The following NBPF11 variants were observed in gnomAD, a reference collection of about 807,000 sequenced individuals.
NBPF11 encodes the protein NBPF member 11, also known as NBPF family member NBPF11.
In NBPF11, 72 loss-of-function variants were observed where a neutral mutation model predicts 93.9. The observed-to-expected ratio is 0.77, with a 90% confidence interval of 0.63 to 0.93. NBPF11 has a LOEUF of 0.93. Ranked by LOEUF, NBPF11 falls within the 40% of genes least tolerant of loss-of-function variation. The pLI, the probability that NBPF11 is intolerant of heterozygous loss-of-function variation, is 0.00. For missense variants in NBPF11, 705 were observed against 802.2 expected (o/e 0.88, Z 1.46); for synonymous variants, 224 against 304.9 (o/e 0.73, Z 2.76).
chr1:148,114,871 C>T lies in NBPF11; in HGVS notation c.1586-383G>A, dbSNP rs1451358975. 5.3e-5 allele frequency among the ~76,000 whole-genome samples: 8 copies of T among 151,566 alleles called. No individual in the cohort carries two copies. The South Asian group carries it at 6.2e-4, about 12-fold the overall frequency. On this transcript the variant is annotated intron_variant, in intron 14 of 23. Coordinates refer to ENST00000682118, the MANE Select transcript of NBPF11 (RefSeq NM_001385469.3). ...TTTAGAGGCATCTATACATGAAACA[C>T]GACTGATAGATAAATTTGAACAACT... is the stretch of plus-strand genomic sequence containing the variant.
At chr1:148,123,343 C>T (rs1668337007) in intron 7 of NBPF11, among the ~76,000 whole-genome samples, 1 of 152,064 alleles carries the variant, frequency 6.6e-6, no homozygotes, top group Non-Finnish European at 1.5e-5. Context: ...TCCAACACCA[C>T]ACGGAGAGGG....
intron 1 of NBPF11, among the ~76,000 whole-genome samples, 200 bp downstream of exon 1, chr1:148,151,550 G>C (rs1418994772): frequency 2.6e-5 from 4 of 152,028 alleles, no homozygotes; most frequent in African/African-American, 9.7e-5. Context: ...GAGGAGGGCT[G>C]CGGGCTGCAG....
intron 1 of NBPF11, chr1:148,149,207 G>T: frequency 6.4e-7 from 1 of 1,551,258 alleles, no homozygotes; most frequent in Non-Finnish European, 8.7e-7. Context: ...GCAGAGCATC[G>T]GCACGGTGCC....
In NBPF11 at chr1:148,146,097, C is replaced by T. The variant is rs1159349024; in HGVS notation, c.-548-2411G>A. On this transcript the variant is annotated intron_variant, in intron 1 of 23. Transcript: ENST00000682118. ...GGGTGCGGAGGGACCGACGGACGCACGGGCGGGCGGCCGGGAGCCATGGAG... is the reference window on the plus strand; with the variant it reads ...GGGTGCGGAGGGACCGACGGACGCATGGGCGGGCGGCCGGGAGCCATGGAG... Among the ~76,000 whole-genome samples, 5 of 151,774 alleles carry T rather than the reference C, an allele frequency of 3.3e-5. No individual in the cohort carries two copies. The East Asian group carries it at 5.8e-4, about 18-fold the overall frequency.
rs56775503 is a variant in NBPF11 at position 148,150,153 on chromosome 1, C to CTT, written c.-549+1595_-549+1596dup. ...ATTTAGTAAAAACACATGACCTGTA[C>CTT]TTTTTTTTTTTTTTTTGAGGCAGGG... On this transcript the variant is annotated intron_variant, in intron 1 of 23. Coordinates refer to ENST00000682118, the MANE Select transcript of NBPF11 (RefSeq NM_001385469.3). 3.3e-3 allele frequency among the ~76,000 whole-genome samples: 441 copies of CTT among 135,006 alleles called. 3 individuals are homozygous for CTT. Among genetic ancestry groups the CTT allele is most frequent in the African/African-American group, 6.6e-3 (237 of 35,806 alleles). 88.6% of individuals were successfully genotyped at this position (135,006 alleles called of 152,430 possible).
At chr1:148,106,272 T>A (rs1282037341) in intron 20 of NBPF11, 40 bp from the exon 21 acceptor site, 24 of 623,054 alleles carry the variant, frequency 3.9e-5, no homozygotes, top group Non-Finnish European at 6.5e-5. Flanking sequence ...AATAAGCCAA[T>A]TCACCTACAC....
At chr1:148,118,795 G>A in intron 10 of NBPF11, 73 bp from the exon 11 acceptor site, 1 of 1,193,780 alleles carries the variant, frequency 8.4e-7, no homozygotes. Context: ...TACAGGGCAG[G>A]AGCCAGGTCC....
chr1:148,115,423 G>T (rs1367558357), intron 14 of NBPF11, among the ~76,000 whole-genome samples: 2 of 149,944 alleles, frequency 1.3e-5, no homozygotes, highest in Non-Finnish European at 3.0e-5. Flanking sequence ...AAATACAAAG[G>T]CAAGGCTGCC....
chr1:148,137,099 C>A (rs1671423338), intron 3 of NBPF11, among the ~76,000 whole-genome samples: 1 of 152,054 alleles, frequency 6.6e-6, no homozygotes, highest in African/African-American at 2.4e-5. Flanking sequence ...TGATGAGACA[C>A]CATTCCTGTG....
At chr1:148,127,110 G>A in intron 4 of NBPF11, 72 bp from the exon 5 acceptor site, 3 of 469,784 alleles carry the variant, frequency 6.4e-6, no homozygotes, top group Non-Finnish European at 1.1e-5. Context: ...TCAGGACTGA[G>A]GGATGTCAGT....
chr1:148,121,704 G>C (rs1667911402), intron 9 of NBPF11, among the ~76,000 whole-genome samples: 1 of 151,944 alleles, frequency 6.6e-6, no homozygotes, highest in Admixed American at 6.5e-5. Context: ...AGAGAGTCTA[G>C]CCTGACAGAA....
chr1:148,148,053 T>C (rs1205810447), intron 1 of NBPF11, among the ~76,000 whole-genome samples: 1 of 152,270 alleles, frequency 6.6e-6, no homozygotes, highest in Middle Eastern at 3.4e-3. Flanking sequence ...GGCTCCTGCC[T>C]GTAGCAGGTG....
rs1386163682 is a variant in NBPF11 at position 148,122,457 on chromosome 1, A to G, written c.567-191T>C. ...AGCTTCGCTGCCATGGGAGCCAGAG[A>G]GGAAGAGAGCAGCTGGTGTTCAGTG... is the stretch of plus-strand genomic sequence containing the variant. On this transcript the variant is annotated intron_variant, in intron 8 of 23. Transcript: ENST00000682118. 4.4e-3 allele frequency among the ~76,000 whole-genome samples: 676 copies of G among 152,174 alleles called. 17 individuals are homozygous for G. Among genetic ancestry groups the G allele is most frequent in the African/African-American group, 0.015 (625 of 41,428 alleles).
intron 9 of NBPF11, among the ~76,000 whole-genome samples, chr1:148,121,646 C>T (rs58109557): frequency 8.6e-5 from 13 of 151,654 alleles, no homozygotes; most frequent in Admixed American, 1.3e-4. Flanking sequence ...TGACCCACTG[C>T]GCCCAGCCAA....
intron 1 of NBPF11, among the ~76,000 whole-genome samples, chr1:148,148,053 T>A (rs1205810447): frequency 2.6e-5 from 4 of 152,152 alleles, no homozygotes; most frequent in Non-Finnish European, 5.9e-5. Flanking sequence ...GGCTCCTGCC[T>A]GTAGCAGGTG....
chr1:148,141,410 G>T (rs1415480469), intron 2 of NBPF11, among the ~76,000 whole-genome samples: 1 of 152,050 alleles, frequency 6.6e-6, no homozygotes, highest in East Asian at 1.9e-4. Context: ...GAGCCTAGGA[G>T]AACTCTCTGT....
At position 148,103,761 on chromosome 1, in the gene NBPF11, T is replaced by C; in HGVS notation, c.*135A>G. On this transcript the variant is annotated 3_prime_UTR_variant, in exon 24 of 24. Transcript: ENST00000682118. The stretch of plus-strand genomic sequence containing the variant: ...CTATTGTCCATGTCAAGGGCAAAGC[T>C]GATGTGCTGTTCCTCAAATGAGTAA... 1.2e-6 allele frequency: 2 copies of C among 1,611,842 alleles called. No individual in the cohort carries two copies. The highest frequency in any genetic ancestry group is 1.7e-6 in the Non-Finnish European group (2 of 1,179,418).
intron 20 of NBPF11, among the ~76,000 whole-genome samples, chr1:148,106,550 A>T (rs1663669292): frequency 7.2e-6 from 1 of 139,070 alleles, no homozygotes; most frequent in South Asian, 2.2e-4. Flanking sequence ...GGAAAACTAA[A>T]GTATTCAGCC....
chr1:148,115,164 C>CAAAAAAAAAAAAAA (rs57869119), intron 14 of NBPF11, among the ~76,000 whole-genome samples: 1 of 12,160 alleles, frequency 8.2e-5, no homozygotes, highest in Non-Finnish European at 1.3e-4. Context: ...GACTCCATCA[C>CAAAAAAAAAAAAAA]AAAAAAAAAA....
Sources: allele counts gnomAD v4.1 joint callset (sites outside exome capture counted in the v4.1 genomes callset), GRCh38; gene constraint gnomAD v4.1.1; transcripts MANE v1.5; gene names NCBI Gene and HGNC (gene_info 2026-07-23, HGNC 2026-07-21).